SRRM4: variants seen among roughly 807,000 people sequenced by gnomAD.
The protein encoded by SRRM4 is serine/arginine repetitive matrix 4, also known as serine/arginine repetitive matrix protein 4.
A neutral mutation model predicts 68.9 loss-of-function variants in SRRM4; 33 were observed. The observed-to-expected ratio is 0.48, with a 90% CI of 0.36 to 0.64. The LOEUF is 0.64. Ranked by LOEUF, SRRM4 falls within the 30% of genes least tolerant of loss-of-function variation. The pLI, the probability that SRRM4 is intolerant of heterozygous loss-of-function variation, is 0.00. For synonymous variants in SRRM4, 318 were observed against 318.8 expected (o/e 1.00, Z 0.03); for missense variants, 817 against 827.1 (o/e 0.99, Z 0.15).
intron 2 of SRRM4, among the ~76,000 whole-genome samples, chr12:119,113,779 T>C (rs1269302495): frequency 6.6e-6 from 1 of 152,166 alleles, no homozygotes; most frequent in African/African-American, 2.4e-5. Context: ...GCGGAGGTTT[T>C]TGAGGTTCTG....
intron 1 of SRRM4, among the ~76,000 whole-genome samples, chr12:119,088,667 G>A (rs1376526883): frequency 1.3e-5 from 2 of 151,560 alleles, no homozygotes; most frequent in Admixed American, 6.6e-5. Flanking sequence ...ATTCCTTTTG[G>A]GGGGCGTGGG....
intron 7 of SRRM4, among the ~76,000 whole-genome samples, chr12:119,127,321 T>C (rs74522598): frequency 0.018 from 2,666 of 152,294 alleles, 78 homozygotes; most frequent in African/African-American, 0.062. Context: ...AGCTGCTTTT[T>C]TCTTTCTGAA....
At chr12:119,146,279 G>C (rs1954400771) in intron 9 of SRRM4, among the ~76,000 whole-genome samples, 1 of 152,162 alleles carries the variant, frequency 6.6e-6, no homozygotes, top group Non-Finnish European at 1.5e-5. Flanking sequence ...AATTTTACCA[G>C]TAATCTTAGA....
At chr12:119,120,135 C>T in intron 4 of SRRM4, 115 bp from the exon 5 acceptor site, 8 of 585,176 alleles carry the variant, frequency 1.4e-5, no homozygotes, top group Admixed American at 5.5e-5. Context: ...TCCCTTTCTT[C>T]CTTCCTCCTT....
chr12:119,140,144 C>A (rs993162684), intron 8 of SRRM4, among the ~76,000 whole-genome samples: 2 of 152,074 alleles, frequency 1.3e-5, no homozygotes, highest in Admixed American at 6.6e-5. Context: ...GAGGCTGAGG[C>A]GGAACAGATC....
chr12:119,156,931 G>A lies in SRRM4; in HGVS notation c.*133G>A. On this transcript the variant is annotated 3_prime_UTR_variant, in exon 13 of 13. Coordinates refer to ENST00000267260, the MANE Select transcript of SRRM4 (RefSeq NM_194286.4). ...TGTCCTTCCTGCTTGCCTAGGGGAA[G>A]AGGAGAAGAGGGTAAGGGGGCTTCA... 3 of 1,158,030 alleles carry A rather than the reference G, an allele frequency of 2.6e-6. No homozygotes were observed. Among genetic ancestry groups the A allele is most frequent in the Non-Finnish European group, 3.5e-6 (3 of 847,772 alleles). The allele number at this position is 1,158,030 out of a possible 1,614,324, so 71.7% of individuals were successfully genotyped here.
intron 1 of SRRM4, among the ~76,000 whole-genome samples, chr12:118,999,398 G>A (rs1210056521): frequency 6.6e-6 from 1 of 152,190 alleles, no homozygotes; most frequent in Non-Finnish European, 1.5e-5. Context: ...GCAGCAGGGA[G>A]GGGCGGCCTC....
At chr12:119,019,480 C>G (rs192648336) in intron 1 of SRRM4, among the ~76,000 whole-genome samples, 18 of 152,258 alleles carry the variant, frequency 1.2e-4, no homozygotes, top group Admixed American at 9.8e-4. Flanking sequence ...CCTCCACCCA[C>G]TCACTCCAGC....
chr12:119,037,911 A>G (rs1166882404), intron 1 of SRRM4, among the ~76,000 whole-genome samples: 2 of 152,224 alleles, frequency 1.3e-5, no homozygotes, highest in Non-Finnish European at 2.9e-5. Context: ...TGAGGATAGT[A>G]ATATTCTCTG....
intron 9 of SRRM4, among the ~76,000 whole-genome samples, chr12:119,150,035 T>C (rs1027837142): frequency 6.6e-6 from 1 of 152,144 alleles, no homozygotes; most frequent in Non-Finnish European, 1.5e-5. Flanking sequence ...ACATCAAAAT[T>C]TCCCAAAACT....
intron 1 of SRRM4, 60 bp from the exon 2 acceptor site, chr12:119,102,176 T>G (rs2136042093): frequency 6.8e-7 from 1 of 1,473,564 alleles, no homozygotes; most frequent in East Asian, 2.3e-5. Context: ...GAATATTTAA[T>G]GAACATTAAG....
intron 1 of SRRM4, among the ~76,000 whole-genome samples, chr12:119,078,125 G>A (rs747577385): frequency 1.3e-5 from 2 of 152,256 alleles, no homozygotes; most frequent in African/African-American, 4.8e-5. Flanking sequence ...TGGGATGTAC[G>A]TTATTCACGT....
At chr12:119,144,716 C>A (rs944568573) in intron 8 of SRRM4, among the ~76,000 whole-genome samples, 4 of 149,878 alleles carry the variant, frequency 2.7e-5, no homozygotes, top group Non-Finnish European at 5.9e-5. Flanking sequence ...TTTTTTTGTC[C>A]CCTCCTTTCT....
At position 119,156,982 on chromosome 12, in the gene SRRM4, C is replaced by T; in HGVS notation, c.*184C>T. 1.5e-6 allele frequency: 1 copy of T among 686,694 alleles called. No homozygotes were observed. The highest frequency in any genetic ancestry group is 3.2e-5 in the Admixed American group (1 of 31,276). 42.5% of individuals were successfully genotyped at this position (686,694 alleles called of 1,614,324 possible). A position where few individuals can be genotyped will look rare whatever the true frequency, so the allele number is the denominator to read the frequency against. On this transcript the variant is annotated 3_prime_UTR_variant, in exon 13 of 13. Coordinates refer to ENST00000267260, the MANE Select transcript of SRRM4 (RefSeq NM_194286.4). ...CTCTCTAGATCAGCCTGCTAGGAGC[C>T]TCTACCAGCATCATCCTGGGGCCCA...
chr12:119,081,677 C>G (rs1159554189), intron 1 of SRRM4, among the ~76,000 whole-genome samples: 1 of 152,206 alleles, frequency 6.6e-6, no homozygotes, highest in African/African-American at 2.4e-5. Context: ...TGCAGGAAGG[C>G]AAGAAGCAGG....
chr12:119,080,748 G>A (rs539481340), intron 1 of SRRM4, among the ~76,000 whole-genome samples: 6 of 152,342 alleles, frequency 3.9e-5, no homozygotes, highest in African/African-American at 7.2e-5. Flanking sequence ...CTCTCAGAGC[G>A]AGAGCAGGCA....
chr12:119,161,774 A>G lies in SRRM4; in HGVS notation c.*4976A>G, dbSNP rs1954515691. 2.6e-5 allele frequency: 4 copies of G among 152,786 alleles called. No individual in the cohort carries two copies. The South Asian group carries it at 8.3e-4, about 32-fold the overall frequency. 9.5% of individuals were successfully genotyped at this position (152,786 alleles called of 1,614,324 possible). ...CTTCAGTCACACAAATTAGACTCAA[A>G]TGGAACTAAAACACTGGTTATCTCC... On this transcript the variant is annotated 3_prime_UTR_variant, in exon 13 of 13. Transcript: ENST00000267260.
At chr12:119,090,995 G>T (rs1266376801) in intron 1 of SRRM4, among the ~76,000 whole-genome samples, 1 of 152,198 alleles carries the variant, frequency 6.6e-6, no homozygotes, top group South Asian at 2.1e-4. Flanking sequence ...AGCCCAGACC[G>T]CAGGAGCTCA....
chr12:118,984,349 G>C (rs529444981), intron 1 of SRRM4, among the ~76,000 whole-genome samples: 1 of 152,310 alleles, frequency 6.6e-6, no homozygotes, highest in South Asian at 2.1e-4. Context: ...CACAATATCA[G>C]CTGGGTTTGG....
Sources: gnomAD v4.1 joint callset for allele counts (sites outside exome capture counted in the v4.1 genomes callset) on GRCh38, gnomAD v4.1.1 for gene constraint, MANE v1.5 for transcripts, NCBI Gene and HGNC (gene_info 2026-07-23, HGNC 2026-07-21) for gene names.